CNTNAP4: variants seen among roughly 807,000 people sequenced by gnomAD.
CNTNAP4 encodes contactin-associated protein-like 4.
In CNTNAP4, 98 loss-of-function variants were observed where a neutral mutation model predicts 148.4. The ratio of observed to expected loss-of-function variants is 0.66; its 90% CI spans 0.56 to 0.78. The LOEUF is 0.78. Among genes scored for constraint, CNTNAP4 ranks in the 30% least tolerant of loss-of-function variants. The pLI, the probability that CNTNAP4 is intolerant of heterozygous loss-of-function variation, is 0.00. For synonymous variants in CNTNAP4, 730 were observed against 565.1 expected, an observed-to-expected ratio of 1.29 and a Z score of -4.14; for missense variants, 1,935 against 1,565.6, an observed-to-expected ratio of 1.24 and a Z score of -3.98.
At chr16:76,343,913 T>G (rs908918895) in intron 2 of CNTNAP4, among the ~76,000 whole-genome samples, 8 of 152,192 alleles carry the variant, frequency 5.3e-5, no homozygotes, top group African/African-American at 1.9e-4. Flanking sequence ...CATAAAATCA[T>G]GACCCTTGTG....
chr16:76,555,752 C>T (rs1415340582), intron 23 of CNTNAP4, among the ~76,000 whole-genome samples: 2 of 152,326 alleles, frequency 1.3e-5, no homozygotes, highest in Admixed American at 6.5e-5. Context: ...AGTTACAGTT[C>T]ATCTGTGAAA....
intron 2 of CNTNAP4, among the ~76,000 whole-genome samples, chr16:76,339,220 C>G (rs910129825): frequency 3.3e-5 from 5 of 151,958 alleles, no homozygotes; most frequent in African/African-American, 1.2e-4. Context: ...CTTGTGCTGC[C>G]AGAGATCACT....
intron 3 of CNTNAP4, among the ~76,000 whole-genome samples, chr16:76,410,884 C>T (rs8059094): frequency 0.35 from 52,920 of 151,212 alleles, 10,896 homozygotes; most frequent in Non-Finnish European, 0.44. Flanking sequence ...GGGCATGTCT[C>T]AGAGGTTACC....
intron 3 of CNTNAP4, among the ~76,000 whole-genome samples, chr16:76,403,172 A>G (rs995435502): frequency 2.0e-5 from 3 of 151,136 alleles, no homozygotes; most frequent in Non-Finnish European, 4.4e-5. Context: ...GACTCACTGC[A>G]AGCTCCACCT....
intron 3 of CNTNAP4, among the ~76,000 whole-genome samples, chr16:76,356,953 G>T (rs1024079274): frequency 1.3e-5 from 2 of 151,602 alleles, no homozygotes; most frequent in Non-Finnish European, 2.9e-5. Flanking sequence ...AACAACAGTG[G>T]GACTAGAAGA....
At chr16:76,518,384 C>T (rs2083329918) in intron 15 of CNTNAP4, among the ~76,000 whole-genome samples, 1 of 151,960 alleles carries the variant, frequency 6.6e-6, no homozygotes, top group Admixed American at 6.6e-5. Flanking sequence ...CACCTCAGCC[C>T]CCAAAAGTGC....
At chr16:76,344,670 A>G (rs1964760487) in intron 2 of CNTNAP4, among the ~76,000 whole-genome samples, 1 of 152,218 alleles carries the variant, frequency 6.6e-6, no homozygotes, top group Non-Finnish European at 1.5e-5. Context: ...GCAGTTATGA[A>G]TATTGTCAAG....
chr16:76,397,239 G>T (rs1272405122), intron 3 of CNTNAP4, among the ~76,000 whole-genome samples: 2 of 152,022 alleles, frequency 1.3e-5, no homozygotes, highest in Admixed American at 6.6e-5. Flanking sequence ...CATGGATTAT[G>T]CTGGGGTGGG....
At position 76,325,293 on chromosome 16, in the gene CNTNAP4, T is replaced by A. The variant is rs114594382; in HGVS notation, c.196+8770T>A. Among the ~76,000 whole-genome samples the A allele has an allele frequency of 3.0e-3, 458 of 152,324 alleles. 3 individuals carry two copies. The highest frequency in any genetic ancestry group is 0.01 in the African/African-American group (433 of 41,566). On this transcript the variant is annotated intron_variant, in intron 2 of 23. Coordinates refer to ENST00000611870, the MANE Select transcript of CNTNAP4 (RefSeq NM_033401.5). Reference sequence around the variant, plus strand: ...ATGTATATTTATATACTGTGTGTAATGTATATTTATATACTCTGTGTAGTT... The same window carrying A: ...ATGTATATTTATATACTGTGTGTAAAGTATATTTATATACTCTGTGTAGTT...
intron 3 of CNTNAP4, among the ~76,000 whole-genome samples, chr16:76,386,479 A>G (rs2016525399): frequency 2.6e-5 from 4 of 152,146 alleles, no homozygotes; most frequent in Admixed American, 2.0e-4. Context: ...ATTTTGTTGA[A>G]TTGCCTTTAT....
At chr16:76,321,194 T>C (rs1378957101) in intron 2 of CNTNAP4, among the ~76,000 whole-genome samples, 3 of 152,236 alleles carry the variant, frequency 2.0e-5, no homozygotes, top group African/African-American at 4.8e-5. Flanking sequence ...GAATTTGATA[T>C]TAAAATCAAG....
At chr16:76,416,006 A>T (rs4384622) in intron 3 of CNTNAP4, among the ~76,000 whole-genome samples, 56,935 of 148,288 alleles carry the variant, frequency 0.38, 11,025 homozygotes, top group Middle Eastern at 0.49. Flanking sequence ...TTTTGGCTTT[A>T]ATTTGCTTTA....
intron 17 of CNTNAP4, among the ~76,000 whole-genome samples, chr16:76,532,993 T>C (rs919825738): frequency 6.6e-6 from 1 of 152,062 alleles, no homozygotes; most frequent in Admixed American, 6.6e-5. Flanking sequence ...TGGGCATTTA[T>C]CCAAAGAAAA....
intron 1 of CNTNAP4, among the ~76,000 whole-genome samples, chr16:76,314,059 T>C (rs1025879393): frequency 6.6e-6 from 1 of 152,258 alleles, no homozygotes; most frequent in Non-Finnish European, 1.5e-5. Context: ...TCGCTCTTTG[T>C]GCTTTATCTT....
At chr16:76,395,167 C>A (rs2078154024) in intron 3 of CNTNAP4, among the ~76,000 whole-genome samples, 1 of 152,104 alleles carries the variant, frequency 6.6e-6, no homozygotes, top group Non-Finnish European at 1.5e-5. Flanking sequence ...GAGATCACGA[C>A]CTTTTGAAGC....
intron 3 of CNTNAP4, among the ~76,000 whole-genome samples, chr16:76,357,757 C>G (rs2012878157): frequency 6.6e-6 from 1 of 152,156 alleles, no homozygotes; most frequent in Non-Finnish European, 1.5e-5. Flanking sequence ...TCTCTCTTGC[C>G]TCCATCAGCT....
intron 15 of CNTNAP4, among the ~76,000 whole-genome samples, chr16:76,510,952 G>A (rs898596337): frequency 1.1e-4 from 16 of 152,024 alleles, no homozygotes; most frequent in African/African-American, 1.2e-4. Context: ...CTGAATACTC[G>A]AAGGAACAAT....
Position 76,406,642 on chromosome 16 carries a change from G to C in CNTNAP4, c.391-20810G>C, listed in dbSNP as rs1262034253. ...CAGTGAACACATGAATGATAAGAAA[G>C]TGAAATAACCCTATTGCTGATACGA... On this transcript the variant is annotated intron_variant, in intron 3 of 23. Transcript: ENST00000611870. Among the ~76,000 whole-genome samples, 4 of 152,146 alleles carry C rather than the reference G, an allele frequency of 2.6e-5. No individual in the cohort carries two copies. In the East Asian group the frequency reaches 7.7e-4, roughly 29 times the overall value.
intron 13 of CNTNAP4, among the ~76,000 whole-genome samples, chr16:76,490,945 A>G (rs1296774019): frequency 6.6e-6 from 1 of 152,224 alleles, no homozygotes; most frequent in Non-Finnish European, 1.5e-5. Context: ...TTCAGAGAGA[A>G]TGACAAAAAT....
Sources: allele counts gnomAD v4.1 joint callset (sites outside exome capture counted in the v4.1 genomes callset), GRCh38; gene constraint gnomAD v4.1.1; transcripts MANE v1.5; gene names NCBI Gene and HGNC (gene_info 2026-07-23, HGNC 2026-07-21).